The following RYR2 variants were observed in gnomAD, a reference collection of about 807,000 sequenced individuals.
RYR2 encodes cardiac muscle ryanodine receptor-calcium release channel.
In RYR2, 227 loss-of-function variants were observed where a neutral mutation model predicts 601.1. That is an observed-to-expected ratio of 0.38 (90% confidence interval 0.34 to 0.42). RYR2 has a LOEUF of 0.42. Ranked by LOEUF, RYR2 falls within the 10% of genes least tolerant of loss-of-function variation. The pLI, the probability that RYR2 is intolerant of heterozygous loss-of-function variation, is 1.00. For synonymous variants in RYR2, 2,223 were observed against 2,175.1 expected, an observed-to-expected ratio of 1.02 and a Z score of -0.61; for missense variants, 4,646 against 6,156.5, an observed-to-expected ratio of 0.75 and a Z score of 8.21.
chr1:237,060,567 C>A (rs549820656), intron 1 of RYR2, among the ~76,000 whole-genome samples: 2 of 152,320 alleles, frequency 1.3e-5, no homozygotes, highest in South Asian at 4.1e-4. Context: ...CACCCCCTCC[C>A]AAGAGTTACC....
chr1:237,388,154 T>C lies in RYR2; in HGVS notation c.744T>C (p.Pro248=), dbSNP rs1247243399. The C allele has an allele frequency of 6.2e-7, 1 of 1,613,922 alleles. No individual in the cohort carries two copies. Among genetic ancestry groups the C allele is most frequent in the Non-Finnish European group, 8.5e-7 (1 of 1,179,874 alleles). ...HGHMDECLTV[P]SGEHGEEQRR... is the part of the protein sequence containing the mutation. Reference sequence around the variant, plus strand: ...ACATGGACGAGTGTCTCACTGTCCCTTCAGGAGAACATGGTGAAGAGCAGC... The same window carrying C: ...ACATGGACGAGTGTCTCACTGTCCCCTCAGGAGAACATGGTGAAGAGCAGC... The change falls in exon 10 of 105, where the codon CCT becomes CCC. Residue 248 remains proline, a synonymous_variant. Transcript: ENST00000366574.
intron 79 of RYR2, among the ~76,000 whole-genome samples, chr1:237,739,494 GCAATGATAT>G (rs2149200281): frequency 6.6e-6 from 1 of 152,274 alleles, no homozygotes; most frequent in South Asian, 2.1e-4. Context: ...GAAGATATCT[GCAATGATAT>G]CACAAATTAA....
At chr1:237,797,989 G>A (rs754155906) in intron 96 of RYR2, 48 bp from the exon 97 acceptor site, 70 of 1,526,200 alleles carry the variant, frequency 4.6e-5, no homozygotes, top group Non-Finnish European at 6.1e-5. Context: ...TATAGATGAT[G>A]TTACTTAATG....
At chr1:237,137,400 C>T (rs1293703616) in intron 1 of RYR2, among the ~76,000 whole-genome samples, 1 of 152,108 alleles carries the variant, frequency 6.6e-6, no homozygotes, top group Non-Finnish European at 1.5e-5. Context: ...GATGTTAAGG[C>T]TTCTAATATC....
chr1:237,237,065 C>G (rs1273366631), intron 1 of RYR2, among the ~76,000 whole-genome samples: 1 of 152,158 alleles, frequency 6.6e-6, no homozygotes, highest in Admixed American at 6.5e-5. Flanking sequence ...TCTCTTCCCT[C>G]TTTGTGCTCT....
intron 35 of RYR2, among the ~76,000 whole-genome samples, chr1:237,608,966 C>G (rs1677478153): frequency 6.6e-6 from 1 of 151,826 alleles, no homozygotes; most frequent in African/African-American, 2.4e-5. Context: ...TGCTTGCTCT[C>G]TTCTCTTCTT....
intron 100 of RYR2, among the ~76,000 whole-genome samples, chr1:237,815,290 G>A (rs1661700312): frequency 6.6e-6 from 1 of 152,060 alleles, no homozygotes; most frequent in South Asian, 2.1e-4. Flanking sequence ...AAAGAAAGGT[G>A]GATAAAAGGA....
chr1:237,715,671 T>G lies in RYR2; in HGVS notation c.10324-1527T>G, dbSNP rs920190876. 1.4e-4 allele frequency among the ~76,000 whole-genome samples: 22 copies of G among 151,960 alleles called. 1 individual carries two copies. The highest frequency in any genetic ancestry group is 3.9e-4 in the Admixed American group (6 of 15,254). On this transcript the variant is annotated intron_variant, in intron 71 of 104. Transcript: ENST00000366574. ...AATGAAAACTCTAACACCAATAAATTTAGACTAAGAAAACTCCAAACCAAT... is the reference window on the plus strand; with the variant it reads ...AATGAAAACTCTAACACCAATAAATGTAGACTAAGAAAACTCCAAACCAAT...
At chr1:237,201,576 TTAGAG>T (rs1443552174) in intron 1 of RYR2, among the ~76,000 whole-genome samples, 1 of 152,228 alleles carries the variant, frequency 6.6e-6, no homozygotes, top group East Asian at 1.9e-4. Context: ...GTTTCAGTGC[TTAGAG>T]TAATTTAGGG....
intron 79 of RYR2, among the ~76,000 whole-genome samples, chr1:237,735,441 GT>G (rs1691056960): frequency 2.0e-5 from 3 of 152,128 alleles, no homozygotes; most frequent in African/African-American, 7.2e-5. Flanking sequence ...ATATATTCTG[GT>G]GAGAAGGAGC....
At chr1:237,666,474 T>C in intron 56 of RYR2, 38 bp from the exon 57 acceptor site, 3 of 1,570,902 alleles carry the variant, frequency 1.9e-6, no homozygotes, top group South Asian at 2.3e-5. Flanking sequence ...TTCACAAGGT[T>C]TTTAATGAGG....
Position 237,781,656 on chromosome 1 carries a change from ATTTATACT to A in RYR2, c.11962+15_11962+22del. On this transcript the variant is annotated intron_variant, in intron 89 of 104. Transcript: ENST00000366574. ...CTGTCCATGTTAGAAGGTAGTTTTG[ATTTATACT>A]TTTAAATTCTCTTTATTATCTTATT... 1 of 1,449,438 alleles carries A rather than the reference ATTTATACT, an allele frequency of 6.9e-7. No individual in the cohort carries two copies. Among genetic ancestry groups the A allele is most frequent in the Non-Finnish European group, 9.6e-7 (1 of 1,045,024 alleles). The allele number at this position is 1,449,438 out of a possible 1,614,324, so 89.8% of individuals were successfully genotyped here. A position where few individuals can be genotyped will look rare whatever the true frequency, so the allele number is the denominator to read the frequency against.
In RYR2 at chr1:237,633,723, C is replaced by A. The variant is rs1262322008; in HGVS notation, c.6688+13C>A. On this transcript the variant is annotated intron_variant, in intron 43 of 104. Coordinates refer to ENST00000366574, the MANE Select transcript of RYR2 (RefSeq NM_001035.3). ...AGTGTTGGTCTTGGTAAGTAAATGA[C>A]TTTTATTTCATCTTTAAGGTTGAAA... 2.5e-6 allele frequency: 4 copies of A among 1,597,930 alleles called. No individual in the cohort carries two copies. The highest frequency in any genetic ancestry group is 2.7e-5 in the African/African-American group (2 of 74,302).
intron 65 of RYR2, among the ~76,000 whole-genome samples, 194 bp downstream of exon 65, chr1:237,700,661 C>CA (rs896379498): frequency 6.6e-6 from 1 of 152,156 alleles, no homozygotes; most frequent in Non-Finnish European, 1.5e-5. Flanking sequence ...CTCTGAATTA[C>CA]ATGGACCCAC....
chr1:237,628,207 A>C (rs1679879655), intron 41 of RYR2, 127 bp downstream of exon 41: 3 of 1,129,490 alleles, frequency 2.7e-6, no homozygotes, highest in Non-Finnish European at 3.7e-6. Flanking sequence ...TATACTAAAT[A>C]GCTTTTCTTT....
At chr1:237,380,880 C>G in intron 8 of RYR2, among the ~76,000 whole-genome samples, 1 of 152,014 alleles carries the variant, frequency 6.6e-6, no homozygotes, top group African/African-American at 2.4e-5. Flanking sequence ...GAATTCAGGA[C>G]CAGCCTGGCC....
rs1460432238 is a variant in RYR2 at position 237,717,289 on chromosome 1, G to A, written c.10415G>A (p.Arg3472Gln). 2 of 1,613,222 alleles carry A rather than the reference G, an allele frequency of 1.2e-6. No homozygotes were observed. The change falls in exon 72 of 105, where the codon CGG (arginine) becomes CAG (glutamine). Residue 3472 changes from arginine to glutamine, a missense_variant. Arg to Gln is a conservative substitution (Grantham distance 43). This residue lies in a region of RYR2 where 1,497 missense variants were observed against 1,842.6 expected (regional missense o/e 0.81). Transcript: ENST00000366574. The stretch of plus-strand genomic sequence containing the variant: ...TCTCTGATTGTAGCAGCTCTGAAGC[G>A]GTTACTGCCCATTGGGTTGAACATC... ...QTSLIVAALKRLLPIGLNICA... is the reference protein window; with the variant it reads ...QTSLIVAALKQLLPIGLNICA...
chr1:237,359,635 C>T (rs1169438590), intron 4 of RYR2, among the ~76,000 whole-genome samples: 2 of 152,100 alleles, frequency 1.3e-5, no homozygotes, highest in South Asian at 2.1e-4. Context: ...CTTTCTTTCT[C>T]CTTTCTCCCT....
chr1:237,293,792 A>C (rs1018840535), intron 2 of RYR2, among the ~76,000 whole-genome samples: 7 of 152,188 alleles, frequency 4.6e-5, no homozygotes, highest in African/African-American at 1.7e-4. Context: ...GTTTTAGTTC[A>C]GCAACCTAGT....
Sources: allele counts gnomAD v4.1 joint callset (sites outside exome capture counted in the v4.1 genomes callset), GRCh38; gene constraint gnomAD v4.1.1; regional missense constraint gnomAD v4.1.1; transcripts MANE v1.5; gene names NCBI Gene and HGNC (gene_info 2026-07-23, HGNC 2026-07-21).